CHD6: variants seen among roughly 807,000 people sequenced by gnomAD.
CHD6 encodes chromodomain helicase DNA binding protein 6, also known as ATP-dependent chromatin remodeler CHD6.
Under a neutral mutation model 276.9 loss-of-function variants are expected in CHD6, and 50 were observed. The observed-to-expected ratio is 0.18, with a 90% CI of 0.14 to 0.23. The LOEUF is 0.23. CHD6 is among the 10% of genes least tolerant of loss of function. The probability of loss-of-function intolerance (pLI) is 1.00; values close to 1 mark genes in which losing one functional copy is unlikely to be tolerated. For missense variants in CHD6, 2,564 were observed against 3,365.8 expected (o/e 0.76, Z 5.89); for synonymous variants, 1,173 against 1,229.3 (o/e 0.95, Z 0.96).
intron 2 of CHD6, among the ~76,000 whole-genome samples, chr20:41,542,045 A>G (rs2044953033): frequency 6.6e-6 from 1 of 152,194 alleles, no homozygotes; most frequent in African/African-American, 2.4e-5. Context: ...GAAAATAATA[A>G]TAAGTGCCTG....
intron 27 of CHD6, among the ~76,000 whole-genome samples, chr20:41,435,903 G>T (rs1407290015): frequency 6.6e-6 from 1 of 151,896 alleles, no homozygotes; most frequent in East Asian, 1.9e-4. Context: ...ACTGACAGAG[G>T]AAAAGACAAA....
chr20:41,597,965 A>T (rs2045735509), intron 1 of CHD6, among the ~76,000 whole-genome samples: 2 of 152,072 alleles, frequency 1.3e-5, no homozygotes, highest in Non-Finnish European at 2.9e-5. Context: ...GTTAACTGGG[A>T]ATCCCGTCCT....
At chr20:41,457,879 G>A (rs559281793) in intron 17 of CHD6, among the ~76,000 whole-genome samples, 6 of 152,204 alleles carry the variant, frequency 3.9e-5, no homozygotes, top group South Asian at 2.1e-4. Context: ...GGACAATCTC[G>A]TTTATTTTTA....
chr20:41,446,596 C>T lies in CHD6; in HGVS notation c.3774-828G>A, dbSNP rs1421523928. ...CAGCTGCCTCTGAAGTTTCTTCTTC[C>T]GTCAGACTCTTACTGTGACACAGGA... On this transcript the variant is annotated intron_variant, in intron 24 of 36. Coordinates refer to ENST00000373233, the MANE Select transcript of CHD6 (RefSeq NM_032221.5). Among the ~76,000 whole-genome samples, 9 of 152,132 alleles carry T rather than the reference C, an allele frequency of 5.9e-5. No individual in the cohort carries two copies. The South Asian group carries it at 6.2e-4, about 11-fold the overall frequency.
At chr20:41,451,492 A>G (rs2048238125) in intron 22 of CHD6, among the ~76,000 whole-genome samples, 1 of 152,242 alleles carries the variant, frequency 6.6e-6, no homozygotes, top group Middle Eastern at 3.2e-3. Context: ...AGGCACAGAC[A>G]GAGGTGGGAC....
chr20:41,591,774 G>A (rs1268326622), intron 1 of CHD6, among the ~76,000 whole-genome samples: 1 of 152,070 alleles, frequency 6.6e-6, no homozygotes, highest in Non-Finnish European at 1.5e-5. Flanking sequence ...GGAAGGTGCC[G>A]ATAAAACATA....
rs761537797 is a variant in CHD6 at position 41,564,120 on chromosome 20, C to G, written c.-23-12760G>C. 5.2e-6 allele frequency: 4 copies of G among 774,614 alleles called. No homozygotes were observed. The South Asian group carries it at 5.5e-5, about 11-fold the overall frequency. The allele number at this position is 774,614 out of a possible 1,614,324, so 48.0% of individuals were successfully genotyped here. A position where few individuals can be genotyped will look rare whatever the true frequency, so the allele number is the denominator to read the frequency against. On this transcript the variant is annotated intron_variant, in intron 1 of 36. Coordinates refer to ENST00000373233, the MANE Select transcript of CHD6 (RefSeq NM_032221.5). ...AGTTTCTTCATTTACAGAACTGGTA[C>G]AAAAGCCAATCATATGAGACTGACA...
Position 41,454,646 on chromosome 20 carries a change from T to A in CHD6, c.3100A>T (p.Thr1034Ser). The A allele has an allele frequency of 6.2e-7, 1 of 1,612,846 alleles. No homozygotes were observed. The highest frequency in any genetic ancestry group is 8.5e-7 in the Non-Finnish European group (1 of 1,179,226). ...TGTACCTTTTCATTCTTTGCTTCAG[T>A]GTCTAGTTCAGCTATTTTAGCCCAT... ...QKWAKIAELD[T>S]EAKNEKESLV... is the part of the protein sequence containing the mutation. Residue 1034 changes from threonine (T) to serine (S), a missense_variant, in exon 20 of 37, where the codon ACT (threonine) becomes TCT (serine). This residue lies in a region of CHD6 where 515 missense variants were observed against 739.5 expected (regional missense o/e 0.70). Coordinates refer to ENST00000373233, the MANE Select transcript of CHD6 (RefSeq NM_032221.5).
rs1476828416 is a variant in CHD6 at position 41,473,561 on chromosome 20, C to T, written c.2469-44G>A. ...ACGAAAGCCCAGGCGTTAATCATGA[C>T]TTCAATGGAGAACAGCACAAAATGC... On this transcript the variant is annotated intron_variant, in intron 16 of 36. Transcript: ENST00000373233. The surrounding 1 kb of genome is among the most constrained non-coding windows in gnomAD (Gnocchi z 4.1). 3 of 1,526,570 alleles carry T rather than the reference C, an allele frequency of 2.0e-6. No homozygotes were observed. The highest frequency in any genetic ancestry group is 1.7e-5 in the Admixed American group (1 of 59,070). The allele number at this position is 1,526,570 out of a possible 1,614,324, so 94.6% of individuals were successfully genotyped here.
chr20:41,555,670 G>A (rs908265699), intron 1 of CHD6, among the ~76,000 whole-genome samples: 2 of 151,010 alleles, frequency 1.3e-5, no homozygotes, highest in African/African-American at 4.9e-5. Context: ...CGGGGCAGAG[G>A]CGCTCCCCAC....
rs2043449991 is a variant in CHD6 at position 41,487,647 on chromosome 20, C to A, written c.2001+18G>T. 9 of 1,591,050 alleles carry A rather than the reference C, an allele frequency of 5.7e-6. No homozygotes were observed. The highest frequency in any genetic ancestry group is 1.4e-5 in the African/African-American group (1 of 73,030). ...TAACGATCACACTGTCTCCTCAATT[C>A]TTTGGGTCCCTAATTACCTGCTCCT... On this transcript the variant is annotated intron_variant, in intron 14 of 36. Transcript: ENST00000373233.
intron 27 of CHD6, among the ~76,000 whole-genome samples, chr20:41,435,956 C>A (rs1490811758): frequency 1.3e-5 from 2 of 152,110 alleles, no homozygotes; most frequent in Admixed American, 1.3e-4. Flanking sequence ...ATAGAACCCA[C>A]AAATATGCCA....
rs558875320 is a variant in CHD6, at chr20:41,496,456, GCTC to G, written c.1092+925_1092+927del. 9.6e-4 allele frequency among the ~76,000 whole-genome samples: 146 copies of G among 152,262 alleles called. 1 individual carries two copies. The South Asian group carries it at 0.029, about 30-fold the overall frequency. On this transcript the variant is annotated intron_variant, in intron 8 of 36. Coordinates refer to ENST00000373233, the MANE Select transcript of CHD6 (RefSeq NM_032221.5). Reference sequence around the variant, plus strand: ...TCTCTGCGCATGTGGGAAGTTGCAGGCTCTTGGAGCCTGAGTTTCCTCCACGTG... The same window carrying G: ...TCTCTGCGCATGTGGGAAGTTGCAGGTTGGAGCCTGAGTTTCCTCCACGTG...
intron 5 of CHD6, among the ~76,000 whole-genome samples, chr20:41,505,407 T>C (rs2043953291): frequency 6.6e-6 from 1 of 152,112 alleles, no homozygotes; most frequent in Non-Finnish European, 1.5e-5. Flanking sequence ...CCCTGTATAT[T>C]CAATCCCCAC....
chr20:41,519,673 C>A (rs959554565), intron 3 of CHD6, among the ~76,000 whole-genome samples: 10 of 152,046 alleles, frequency 6.6e-5, no homozygotes, highest in Non-Finnish European at 4.4e-5. Flanking sequence ...CAAAATTAAT[C>A]CAAGATGGAT....
chr20:41,601,809 G>A (rs917788715), intron 1 of CHD6, among the ~76,000 whole-genome samples: 1 of 152,166 alleles, frequency 6.6e-6, no homozygotes, highest in African/African-American at 2.4e-5. Context: ...CTGGCATATC[G>A]TGAGCACTCA....
chr20:41,605,312 AT>A (rs2045816828), intron 1 of CHD6, among the ~76,000 whole-genome samples: 1 of 152,244 alleles, frequency 6.6e-6, no homozygotes, highest in Non-Finnish European at 1.5e-5. Flanking sequence ...AGTATAAAAA[AT>A]GTTTTTAATT....
At chr20:41,493,445 C>A in intron 10 of CHD6, 93 bp downstream of exon 10, 1 of 1,272,308 alleles carries the variant, frequency 7.9e-7, no homozygotes. Context: ...CCACAGAAAC[C>A]ACCTAGGAAC....
intron 1 of CHD6, among the ~76,000 whole-genome samples, chr20:41,611,990 T>C (rs1415142994): frequency 6.6e-6 from 1 of 152,196 alleles, no homozygotes; most frequent in Non-Finnish European, 1.5e-5. Flanking sequence ...CCCAACACTT[T>C]GATTAGTGAA....
Sources: allele counts gnomAD v4.1 joint callset (sites outside exome capture counted in the v4.1 genomes callset), GRCh38; gene constraint gnomAD v4.1.1; regional missense constraint gnomAD v4.1.1; non-coding constraint Gnocchi (gnomAD v3.1); transcripts MANE v1.5; gene names NCBI Gene and HGNC (gene_info 2026-07-23, HGNC 2026-07-21).